The following BTBD7 variants were observed in gnomAD, a reference collection of about 807,000 sequenced individuals.
BTBD7 encodes BTB/POZ domain-containing protein 7.
BTBD7 carries 38 observed loss-of-function variants against 99.9 expected under a neutral mutation model. The observed-to-expected ratio is 0.38, with a 90% CI of 0.29 to 0.50. The LOEUF is 0.50. Ranked by LOEUF, BTBD7 falls within the 20% of genes least tolerant of loss-of-function variation. The pLI is 0.93. For synonymous variants in BTBD7, 520 were observed against 511.4 expected, an observed-to-expected ratio of 1.02 and a Z score of -0.23; for missense variants, 1,170 against 1,394.6, an observed-to-expected ratio of 0.84 and a Z score of 2.57.
At chr14:93,288,100 C>T (rs2052802292) in intron 3 of BTBD7, 1 of 176,406 alleles carries the variant, frequency 5.7e-6, no homozygotes, top group Non-Finnish European at 1.2e-5. Context: ...TATTTCTTTG[C>T]ATGGAACCTA....
intron 1 of BTBD7, among the ~76,000 whole-genome samples, chr14:93,313,624 C>T (rs205336): frequency 0.97 from 147,186 of 152,040 alleles, 71,300 homozygotes; most frequent in East Asian, 1. Flanking sequence ...TCTTAGAATT[C>T]TGAGTCTAGT....
chr14:93,249,291 A>C (rs1055656685), intron 8 of BTBD7, among the ~76,000 whole-genome samples: 1 of 138,770 alleles, frequency 7.2e-6, no homozygotes, highest in Admixed American at 7.6e-5. Flanking sequence ...AAAAAAAAAA[A>C]GCTGTCTCAG....
At chr14:93,314,664 CATT>C (rs2053178747) in intron 1 of BTBD7, among the ~76,000 whole-genome samples, 2 of 152,094 alleles carry the variant, frequency 1.3e-5, no homozygotes, top group Admixed American at 1.3e-4. Context: ...TAAATTATGT[CATT>C]AGAATAAATT....
intron 2 of BTBD7, 56 bp from the exon 3 acceptor site, chr14:93,294,993 C>G: frequency 6.9e-7 from 1 of 1,446,758 alleles, no homozygotes; most frequent in Non-Finnish European, 9.1e-7. Context: ...TCATTTTCAA[C>G]GTTTAACATT....
chr14:93,259,922 A>C (rs1385569660), intron 5 of BTBD7, among the ~76,000 whole-genome samples: 1 of 152,244 alleles, frequency 6.6e-6, no homozygotes, highest in African/African-American at 2.4e-5. Context: ...AAACACAGCA[A>C]GACTCCATCT....
At chr14:93,249,266 CAAAAAAAAAAAAAA>C (rs56893984) in intron 8 of BTBD7, among the ~76,000 whole-genome samples, 2 of 25,940 alleles carry the variant, frequency 7.7e-5, no homozygotes, top group Non-Finnish European at 1.6e-4. Flanking sequence ...ACCAGATAGG[CAAAAAAAAAAAAAA>C]AAAAAAAAAA....
At chr14:93,324,428 A>AAAATAAAAAAAAAAAT (rs371147922) in intron 1 of BTBD7, among the ~76,000 whole-genome samples, 17,250 of 151,272 alleles carry the variant, frequency 0.11, 1,263 homozygotes, top group African/African-American at 0.2. Context: ...TCTCAAAAAA[A>AAAATAAAAAAAAAAAT]AAAAAAAGAG....
intron 7 of BTBD7, among the ~76,000 whole-genome samples, chr14:93,252,512 A>C: frequency 6.8e-6 from 1 of 146,898 alleles, no homozygotes. Flanking sequence ...GCACACCACC[A>C]CGCCTGGCTA....
chr14:93,268,688 C>A (rs1487409240), intron 3 of BTBD7, among the ~76,000 whole-genome samples: 1 of 151,532 alleles, frequency 6.6e-6, no homozygotes, highest in Non-Finnish European at 1.5e-5. Flanking sequence ...ACAAGTCCTA[C>A]CTAAACATAT....
chr14:93,282,335 C>CT (rs71129622), intron 3 of BTBD7, among the ~76,000 whole-genome samples: 4,152 of 139,940 alleles, frequency 0.03, 152 homozygotes, highest in African/African-American at 0.084. Context: ...ATGCTTTTTT[C>CT]TTTTTTTTTT....
At chr14:93,299,692 C>T (rs1354453807) in intron 1 of BTBD7, among the ~76,000 whole-genome samples, 1 of 152,086 alleles carries the variant, frequency 6.6e-6, no homozygotes, top group African/African-American at 2.4e-5. Flanking sequence ...ATGTTGAATG[C>T]AAGAAAGACT....
In BTBD7 at chr14:93,263,920, T is replaced by C; in HGVS notation, c.1236A>G (p.Pro412=). 2 of 1,614,228 alleles carry C rather than the reference T, an allele frequency of 1.2e-6. No homozygotes were observed. Among genetic ancestry groups the C allele is most frequent in the Non-Finnish European group, 1.7e-6 (2 of 1,180,020 alleles). The change falls in exon 4 of 11, where the codon CCA becomes CCG. Residue 412 remains proline, a synonymous_variant. Coordinates refer to ENST00000334746, the MANE Select transcript of BTBD7 (RefSeq NM_001002860.4). ...GTCGGTGCACCCATTTAGAGCCATA[T>C]GGATGAGAACTCCACTTGAGGATGG... ...LIAILKWSSH[P]YGSKWVHRQA...
intron 3 of BTBD7, chr14:93,287,526 T>C (rs1043069338): frequency 1.3e-5 from 2 of 152,160 alleles, no homozygotes; most frequent in African/African-American, 2.4e-5. Flanking sequence ...ATATGTACTG[T>C]TAAATTTATC....
chr14:93,303,955 T>C (rs200194303), intron 1 of BTBD7, among the ~76,000 whole-genome samples: 47 of 152,344 alleles, frequency 3.1e-4, no homozygotes, highest in African/African-American at 1.1e-3. Context: ...GGAGCTGCCT[T>C]GGCCTGGACA....
chr14:93,245,862 G>A lies in BTBD7; in HGVS notation c.2546C>T (p.Ala849Val), dbSNP rs535882603. ...AGATGCTGCTGCTGCTGCTGCTGTTGCTGTTGAGGTGGTGGTGGCGGCAGC... is the reference window on the plus strand; with the variant it reads ...AGATGCTGCTGCTGCTGCTGCTGTTACTGTTGAGGTGGTGGTGGCGGCAGC... ...AAAAATTTST[A>V]TAAAAAASEK... Residue 849 changes from alanine (A) to valine (V), a missense_variant, in exon 10 of 11, where the codon GCA becomes GTA. Physicochemically the swap from Ala to Val is moderately conservative, Grantham distance 64. Around this residue, in one of 4 missense-constraint regions of BTBD7, gnomAD observed 495 missense variants for 525.9 expected, o/e 0.94. Transcript: ENST00000334746. 1.2e-6 allele frequency: 2 copies of A among 1,613,712 alleles called. No individual in the cohort carries two copies. Among genetic ancestry groups the A allele is most frequent in the South Asian group, 1.1e-5 (1 of 91,072 alleles).
intron 3 of BTBD7, among the ~76,000 whole-genome samples, chr14:93,293,369 A>G (rs1256391589): frequency 6.6e-6 from 1 of 152,246 alleles, no homozygotes; most frequent in African/African-American, 2.4e-5. Flanking sequence ...AAGATAAGGA[A>G]TATTTTAAAA....
At chr14:93,268,703 C>T (rs184354006) in intron 3 of BTBD7, among the ~76,000 whole-genome samples, 1 of 151,612 alleles carries the variant, frequency 6.6e-6, no homozygotes, top group East Asian at 1.9e-4. Flanking sequence ...ACATATCCTT[C>T]CTTCCCCTCC....
intron 3 of BTBD7, among the ~76,000 whole-genome samples, chr14:93,287,346 C>T (rs2052792876): frequency 6.9e-6 from 1 of 144,638 alleles, no homozygotes; most frequent in Non-Finnish European, 1.5e-5. Context: ...TCCTACATCC[C>T]TTCCACTTTC....
intron 2 of BTBD7, 23 bp from the exon 3 acceptor site, chr14:93,294,960 G>A: frequency 6.6e-7 from 1 of 1,509,856 alleles, no homozygotes; most frequent in Non-Finnish European, 8.8e-7. Context: ...TTAAACAAAT[G>A]AAAATTTATT....
Sources: gnomAD v4.1 joint callset for allele counts (sites outside exome capture counted in the v4.1 genomes callset) on GRCh38, gnomAD v4.1.1 for gene constraint, gnomAD v4.1.1 regional missense constraint, MANE v1.5 for transcripts, NCBI Gene and HGNC (gene_info 2026-07-23, HGNC 2026-07-21) for gene names.